Variants in NRXN1 observed in about 807,000 individuals in gnomAD.
NRXN1 encodes neurexin-1.
A neutral mutation model predicts 150.9 loss-of-function variants in NRXN1; 39 were observed. The observed-to-expected ratio is 0.26, with a 90% confidence interval of 0.20 to 0.34. The LOEUF (loss-of-function observed/expected upper bound fraction) is 0.34. Ranked by LOEUF, NRXN1 falls within the 10% of genes least tolerant of loss-of-function variation. The probability of loss-of-function intolerance (pLI) is 1.00; values close to 1 mark genes in which losing one functional copy is unlikely to be tolerated. For synonymous variants in NRXN1, 924 were observed against 757.0 expected (o/e 1.22, Z -3.62); for missense variants, 1,815 against 1,949.9 (o/e 0.93, Z 1.30).
intron 16 of NRXN1, 106 bp downstream of exon 16, chr2:50,472,192 T>C (rs369512068): frequency 1.1e-5 from 10 of 919,820 alleles, no homozygotes; most frequent in African/African-American, 8.5e-5. Context: ...TAAGCCCAAA[T>C]TGGGTATTTG....
intron 21 of NRXN1, among the ~76,000 whole-genome samples, chr2:49,966,197 C>T (rs1327303081): frequency 1.3e-5 from 2 of 152,172 alleles, no homozygotes; most frequent in African/African-American, 4.8e-5. Flanking sequence ...TTCGTTTTCA[C>T]TGAAGTGTGC....
intron 5 of NRXN1, among the ~76,000 whole-genome samples, chr2:50,713,208 T>G (rs1449843226): frequency 6.6e-6 from 1 of 151,136 alleles, no homozygotes; most frequent in East Asian, 2.0e-4. Context: ...CAGCTGCTTG[T>G]GAGGCTGAAG....
rs187827678 is a variant in NRXN1 at position 51,004,726 on chromosome 2, T to A, written c.772+22776A>T. 1.5e-3 allele frequency among the ~76,000 whole-genome samples: 229 copies of A among 152,030 alleles called. 1 individual carries two copies. The highest frequency in any genetic ancestry group is 2.8e-3 in the Non-Finnish European group (189 of 67,934). On this transcript the variant is annotated intron_variant, in intron 2 of 22. Coordinates refer to ENST00000401669, the MANE Select transcript of NRXN1 (RefSeq NM_001330078.2). ...ATTCTGGTATTTTCCCTCTCACCTATAAATGTTATGCAAATGTATTATTTT... is the reference window on the plus strand; with the variant it reads ...ATTCTGGTATTTTCCCTCTCACCTAAAAATGTTATGCAAATGTATTATTTT...
chr2:50,082,299 T>G (rs1270118601), intron 19 of NRXN1, among the ~76,000 whole-genome samples: 1 of 152,202 alleles, frequency 6.6e-6, no homozygotes, highest in Non-Finnish European at 1.5e-5. Context: ...GATAATGCTA[T>G]TCTCTGTTTA....
intron 5 of NRXN1, among the ~76,000 whole-genome samples, chr2:50,801,440 T>C (rs985366979): frequency 1.3e-5 from 2 of 152,128 alleles, no homozygotes; most frequent in African/African-American, 4.8e-5. Flanking sequence ...GAATATCTCT[T>C]AGAGAAAAAA....
intron 5 of NRXN1, among the ~76,000 whole-genome samples, chr2:50,780,305 A>G (rs904764652): frequency 6.6e-6 from 1 of 152,136 alleles, no homozygotes; most frequent in African/African-American, 2.4e-5. Flanking sequence ...ATTGCTTTGT[A>G]ATGTGGTTTT....
chr2:50,117,857 T>G (rs1703278585), intron 18 of NRXN1, among the ~76,000 whole-genome samples: 1 of 151,830 alleles, frequency 6.6e-6, no homozygotes, highest in Non-Finnish European at 1.5e-5. Context: ...ATTTCTAGAG[T>G]GAAAAATTAC....
intron 5 of NRXN1, among the ~76,000 whole-genome samples, chr2:50,861,919 G>A (rs1491000870): frequency 2.6e-5 from 4 of 151,912 alleles, no homozygotes; most frequent in African/African-American, 9.7e-5. Context: ...AATACTCTCA[G>A]GGCTGGGTGC....
At chr2:50,822,691 G>C (rs930042891) in intron 5 of NRXN1, among the ~76,000 whole-genome samples, 8 of 152,040 alleles carry the variant, frequency 5.3e-5, no homozygotes, top group Admixed American at 5.2e-4. Flanking sequence ...TAGCAACCTT[G>C]CTAATGTAGT....
At chr2:50,395,172 A>C (rs1033158362) in intron 17 of NRXN1, among the ~76,000 whole-genome samples, 7 of 151,822 alleles carry the variant, frequency 4.6e-5, no homozygotes, top group Admixed American at 3.9e-4. Flanking sequence ...GGAGGATAAG[A>C]ATTCTATTTT....
intron 9 of NRXN1, among the ~76,000 whole-genome samples, chr2:50,543,089 C>T (rs796370076): frequency 1.1e-3 from 164 of 152,160 alleles, no homozygotes; most frequent in African/African-American, 3.8e-3. Context: ...GGCTGAGGTA[C>T]ATAAATGTTA....
intron 17 of NRXN1, among the ~76,000 whole-genome samples, chr2:50,343,016 T>C (rs963921698): frequency 6.6e-6 from 1 of 152,252 alleles, no homozygotes; most frequent in Non-Finnish European, 1.5e-5. Context: ...CAAGATATAA[T>C]TATTATCCTT....
At chr2:50,281,341 C>A (rs896470868) in intron 17 of NRXN1, among the ~76,000 whole-genome samples, 1 of 127,874 alleles carries the variant, frequency 7.8e-6, no homozygotes, top group Admixed American at 8.0e-5. Context: ...TAATAATAAT[C>A]CATAATAGTA....
intron 18 of NRXN1, among the ~76,000 whole-genome samples, chr2:50,198,944 T>C (rs1463922438): frequency 6.6e-6 from 1 of 152,136 alleles, no homozygotes; most frequent in Non-Finnish European, 1.5e-5. Flanking sequence ...GTGTATGGCA[T>C]GGCTGACACT....
At chr2:50,461,080 T>C (rs890546613) in intron 17 of NRXN1, among the ~76,000 whole-genome samples, 1 of 152,054 alleles carries the variant, frequency 6.6e-6, no homozygotes, top group Non-Finnish European at 1.5e-5. Context: ...ACACTGGATA[T>C]TGGATTCTCT....
At chr2:50,987,559 G>C (rs1267109594) in intron 2 of NRXN1, among the ~76,000 whole-genome samples, 1 of 151,836 alleles carries the variant, frequency 6.6e-6, no homozygotes, top group Admixed American at 6.6e-5. Context: ...GTTTATTTAG[G>C]AAATCAGAAT....
chr2:50,907,737 A>G (rs1340142553), intron 5 of NRXN1, among the ~76,000 whole-genome samples: 2 of 152,074 alleles, frequency 1.3e-5, no homozygotes, highest in Non-Finnish European at 2.9e-5. Flanking sequence ...GCAGCCTCAA[A>G]AAAGATAGAA....
At chr2:50,561,455 G>A (rs1157140552) in intron 8 of NRXN1, among the ~76,000 whole-genome samples, 2 of 152,280 alleles carry the variant, frequency 1.3e-5, no homozygotes, top group Non-Finnish European at 2.9e-5. Flanking sequence ...TTCAGATGAG[G>A]AAACTGAGGC....
chr2:49,982,835 T>TA (rs1680200897), intron 21 of NRXN1, among the ~76,000 whole-genome samples: 1 of 152,152 alleles, frequency 6.6e-6, no homozygotes, highest in African/African-American at 2.4e-5. Flanking sequence ...TAAGTGACCA[T>TA]AAATGAGATT....
Sources: allele counts gnomAD v4.1 joint callset (sites outside exome capture counted in the v4.1 genomes callset), GRCh38; gene constraint gnomAD v4.1.1; transcripts MANE v1.5; gene names NCBI Gene and HGNC (gene_info 2026-07-23, HGNC 2026-07-21).